The following MEP1A variants were observed in gnomAD, a reference collection of about 807,000 sequenced individuals.
MEP1A encodes N-benzoyl-L-tyrosyl-P-amino-benzoic acid hydrolase subunit alpha.
A neutral mutation model predicts 84.5 loss-of-function variants in MEP1A; 68 were observed. That is an observed-to-expected ratio of 0.80 (90% CI 0.66 to 0.98). The LOEUF is 0.98. Among genes scored for constraint, MEP1A ranks in the 50% least tolerant of loss-of-function variants. MEP1A has a pLI of 0.00. For synonymous variants in MEP1A, 337 were observed against 336.8 expected, an observed-to-expected ratio of 1.00 and a Z score of -0.01; for missense variants, 887 against 919.9, an observed-to-expected ratio of 0.96 and a Z score of 0.46.
intron 6 of MEP1A, among the ~76,000 whole-genome samples, chr6:46,814,295 C>T (rs1474292699): frequency 1.3e-5 from 2 of 152,012 alleles, no homozygotes; most frequent in Non-Finnish European, 2.9e-5. Flanking sequence ...AAAGCCTTGC[C>T]TTTGAGCACT....
chr6:46,793,829 T>G (rs1369976768), intron 3 of MEP1A, 113 bp downstream of exon 3: 4 of 768,164 alleles, frequency 5.2e-6, no homozygotes, highest in Non-Finnish European at 6.1e-6. Flanking sequence ...GGGAGAAATA[T>G]TTTTTGGTGC....
In MEP1A at chr6:46,821,922, A is replaced by AT. The variant is rs1767786813; in HGVS notation, c.556+2224dup. 3.9e-5 allele frequency among the ~76,000 whole-genome samples: 6 copies of AT among 152,306 alleles called. No individual in the cohort carries two copies. The South Asian group carries it at 1.2e-3, about 32-fold the overall frequency. On this transcript the variant is annotated intron_variant, in intron 7 of 13. Coordinates refer to ENST00000230588, the MANE Select transcript of MEP1A (RefSeq NM_005588.3). ...CAATAAGATTATCAACATAGGCAGT[A>AT]TTTTTTATCAGGGTAATTTGTGAGT...
At chr6:46,811,876 T>G (rs887793126) in intron 6 of MEP1A, among the ~76,000 whole-genome samples, 1 of 152,086 alleles carries the variant, frequency 6.6e-6, no homozygotes, top group African/African-American at 2.4e-5. Flanking sequence ...AGTTCATCAG[T>G]ACATTATTGA....
intron 13 of MEP1A, among the ~76,000 whole-genome samples, chr6:46,836,013 C>T (rs538595226): frequency 3.4e-4 from 52 of 152,152 alleles, no homozygotes; most frequent in Non-Finnish European, 6.0e-4. Flanking sequence ...GTAGTAAGAA[C>T]ACCTGATATT....
Position 46,816,030 on chromosome 6 carries a change from G to A in MEP1A, c.381-3499G>A, listed in dbSNP as rs374832069. The stretch of plus-strand genomic sequence containing the variant: ...CGGCTCACTGGAACCTCCATCTCCC[G>A]GGCTCAAGCAATTCTCCTGCCTCAG... On this transcript the variant is annotated intron_variant, in intron 6 of 13. Transcript: ENST00000230588. Among the ~76,000 whole-genome samples, 194 of 152,028 alleles carry A rather than the reference G, an allele frequency of 1.3e-3. No individual in the cohort carries two copies. In the Middle Eastern group the frequency reaches 0.02, roughly 16 times the overall value.
At chr6:46,814,765 TC>T (rs904570623) in intron 6 of MEP1A, among the ~76,000 whole-genome samples, 2 of 152,182 alleles carry the variant, frequency 1.3e-5, no homozygotes, top group African/African-American at 4.8e-5. Context: ...TTCTCCCCCT[TC>T]CCCTAGGAAT....
chr6:46,828,374 G>A (rs899541019), intron 9 of MEP1A, among the ~76,000 whole-genome samples: 3 of 151,566 alleles, frequency 2.0e-5, no homozygotes, highest in African/African-American at 7.3e-5. Flanking sequence ...GATATTTTAA[G>A]CTTGGTGGGA....
chr6:46,824,472 AAATAT>A (rs1767853956), intron 7 of MEP1A, among the ~76,000 whole-genome samples: 1 of 145,490 alleles, frequency 6.9e-6, no homozygotes. Flanking sequence ...ATTGCTTATA[AAATAT>A]AATTTATATT....
chr6:46,822,016 T>C (rs1390945467), intron 7 of MEP1A, among the ~76,000 whole-genome samples: 3 of 152,222 alleles, frequency 2.0e-5, no homozygotes, highest in African/African-American at 7.2e-5. Flanking sequence ...ACTGGCAATG[T>C]AATTCTCTCC....
At chr6:46,807,550 A>G (rs1386365081) in intron 5 of MEP1A, among the ~76,000 whole-genome samples, 4 of 60,862 alleles carry the variant, frequency 6.6e-5, no homozygotes, top group East Asian at 3.4e-4. Context: ...GAAAGAAAGA[A>G]AGAAAGAAAG....
At chr6:46,818,503 G>A (rs568017111) in intron 6 of MEP1A, among the ~76,000 whole-genome samples, 3 of 152,152 alleles carry the variant, frequency 2.0e-5, no homozygotes, top group Non-Finnish European at 4.4e-5. Flanking sequence ...TTTGTGGAAA[G>A]CTTTGGGTTT....
Position 46,824,980 on chromosome 6 carries a change from T to TTA in MEP1A, c.557-286_557-285dup, listed in dbSNP as rs1259806439. Among the ~76,000 whole-genome samples, 37 of 131,706 alleles carry TTA rather than the reference T, an allele frequency of 2.8e-4. 3 individuals carry two copies. The highest frequency in any genetic ancestry group is 6.3e-4 in the African/African-American group (22 of 34,664). 86.4% of individuals were successfully genotyped at this position (131,706 alleles called of 152,430 possible). A position where few individuals can be genotyped will look rare whatever the true frequency, so the allele number is the denominator to read the frequency against. The stretch of plus-strand genomic sequence containing the variant: ...ATAGATCTATTTAAATATATATAAA[T>TTA]TATATATTTAAATAGATCTATTTAA... On this transcript the variant is annotated intron_variant, in intron 7 of 13. Coordinates refer to ENST00000230588, the MANE Select transcript of MEP1A (RefSeq NM_005588.3).
At chr6:46,825,004 AAG>A (rs1475756672) in intron 7 of MEP1A, among the ~76,000 whole-genome samples, 6 of 68,424 alleles carry the variant, frequency 8.8e-5, no homozygotes, top group Admixed American at 2.9e-4. Flanking sequence ...AGATCTATTT[AAG>A]TATATATAAA....
chr6:46,827,470 A>ACC (rs1767974310), intron 9 of MEP1A, among the ~76,000 whole-genome samples: 1 of 152,054 alleles, frequency 6.6e-6, no homozygotes, highest in Admixed American at 6.6e-5. Context: ...AATCATCTTA[A>ACC]CCCTATTTGG....
At chr6:46,810,380 T>A (rs1767469176) in intron 6 of MEP1A, among the ~76,000 whole-genome samples, 1 of 152,172 alleles carries the variant, frequency 6.6e-6, no homozygotes, top group Non-Finnish European at 1.5e-5. Context: ...CTTTGTTGGA[T>A]GTATACATTG....
At chr6:46,819,434 G>C in intron 6 of MEP1A, 95 bp from the exon 7 acceptor site, 1 of 983,536 alleles carries the variant, frequency 1.0e-6, no homozygotes, top group Non-Finnish European at 1.5e-6. Flanking sequence ...CTAAAATCAA[G>C]CCTAATTTCC....
At chr6:46,831,177 G>A (rs1768066382) in intron 10 of MEP1A, among the ~76,000 whole-genome samples, 1 of 152,134 alleles carries the variant, frequency 6.6e-6, no homozygotes, top group South Asian at 2.1e-4. Flanking sequence ...TTTTCAAAAA[G>A]GTTAGTTGAA....
chr6:46,836,895 C>T (rs556193974), intron 13 of MEP1A, among the ~76,000 whole-genome samples: 3 of 151,872 alleles, frequency 2.0e-5, no homozygotes, highest in South Asian at 4.2e-4. Flanking sequence ...CTCGCTGCAG[C>T]GTGTGAACAG....
chr6:46,835,191 G>T, intron 12 of MEP1A, 58 bp from the exon 13 acceptor site: 1 of 1,433,902 alleles, frequency 7.0e-7, no homozygotes, highest in South Asian at 1.3e-5. Flanking sequence ...AGAAGTGGGA[G>T]TTAATTGTAG....
Sources: gnomAD v4.1 joint callset for allele counts (sites outside exome capture counted in the v4.1 genomes callset) on GRCh38, gnomAD v4.1.1 for gene constraint, MANE v1.5 for transcripts, NCBI Gene and HGNC (gene_info 2026-07-23, HGNC 2026-07-21) for gene names.